Variants in MAP3K3 observed in about 807,000 individuals in gnomAD.
MAP3K3 encodes the protein MAP/ERK kinase kinase 3.
Under a neutral mutation model 80.9 loss-of-function variants are expected in MAP3K3, and 12 were observed. The ratio of observed to expected loss-of-function variants is 0.15; its 90% CI spans 0.10 to 0.24. MAP3K3 has a LOEUF of 0.24. MAP3K3 is among the 10% of genes least tolerant of loss of function. The pLI, the probability that MAP3K3 is intolerant of heterozygous loss-of-function variation, is 1.00. For missense variants in MAP3K3, 596 were observed against 834.7 expected, an observed-to-expected ratio of 0.71 and a Z score of 3.52; for synonymous variants, 272 against 307.1, an observed-to-expected ratio of 0.89 and a Z score of 1.19.
chr17:63,635,632 A>C (rs1323566852), intron 2 of MAP3K3, among the ~76,000 whole-genome samples: 4 of 152,216 alleles, frequency 2.6e-5, no homozygotes, highest in African/African-American at 9.6e-5. Flanking sequence ...GGGGAGAGGT[A>C]TTTATAGCCT....
intron 1 of MAP3K3, among the ~76,000 whole-genome samples, chr17:63,625,262 T>C (rs1180274470): frequency 6.6e-6 from 1 of 152,222 alleles, no homozygotes; most frequent in Non-Finnish European, 1.5e-5. Context: ...GTGGAAATTA[T>C]TTATCTCTGT....
chr17:63,658,193 A>G (rs538104328), intron 5 of MAP3K3, among the ~76,000 whole-genome samples: 1 of 152,214 alleles, frequency 6.6e-6, no homozygotes, highest in Non-Finnish European at 1.5e-5. Flanking sequence ...CTCTAAATTT[A>G]TGTTTTTTCA....
chr17:63,657,906 A>C lies in MAP3K3; in HGVS notation c.380A>C (p.His127Pro), dbSNP rs1447823821. 1 of 1,545,598 alleles carries C rather than the reference A, an allele frequency of 6.5e-7. No homozygotes were observed. The change falls in exon 5 of 16, where the codon CAT becomes CCT. Residue 127 changes from histidine to proline, a missense_variant and splice_region_variant. Transcript: ENST00000361733. Reference sequence around the variant, plus strand: ...TTGCTGTTGTCCCAGGACAGAAACCATGTAAGTAGCCCTTGTCATGGTCTG... The same window carrying C: ...TTGCTGTTGTCCCAGGACAGAAACCCTGTAAGTAGCCCTTGTCATGGTCTG... ...RILLLSQDRN[H>P]NSSSPHSGVS...
intron 6 of MAP3K3, among the ~76,000 whole-genome samples, chr17:63,680,644 A>G (rs1322402768): frequency 6.6e-6 from 1 of 152,204 alleles, no homozygotes; most frequent in East Asian, 1.9e-4. Context: ...TCAGTGACTT[A>G]CAAAGTGTGT....
At chr17:63,685,842 CT>C (rs1214485068) in intron 8 of MAP3K3, among the ~76,000 whole-genome samples, 1 of 152,234 alleles carries the variant, frequency 6.6e-6, no homozygotes, top group Non-Finnish European at 1.5e-5. Context: ...CATGTTTTGA[CT>C]TTCCATATAA....
chr17:63,655,418 C>T (rs1170190985), intron 4 of MAP3K3, among the ~76,000 whole-genome samples: 1 of 152,218 alleles, frequency 6.6e-6, no homozygotes, highest in Non-Finnish European at 1.5e-5. Flanking sequence ...CTCCACCATC[C>T]TTACCAACAT....
rs766758255 is a variant in MAP3K3 at position 63,632,724 on chromosome 17, C to T, written c.48C>T (p.Ala16=). 19 of 1,613,986 alleles carry T rather than the reference C, an allele frequency of 1.2e-5. No individual in the cohort carries two copies. The highest frequency in any genetic ancestry group is 1.6e-5 in the Non-Finnish European group (19 of 1,179,976). The change falls in exon 2 of 16, where the codon GCC becomes GCT. Residue 16 remains alanine (A), a synonymous_variant. Transcript: ENST00000361733. The stretch of plus-strand genomic sequence containing the variant: ...ACTCAATCATGAACGATCTGGTGGC[C>T]CTCCAGATGAACCGACGTCACCGGA... ...ALNSIMNDLV[A]LQMNRRHRMP...
intron 2 of MAP3K3, among the ~76,000 whole-genome samples, chr17:63,640,783 T>C (rs2034424336): frequency 6.6e-6 from 1 of 152,152 alleles, no homozygotes; most frequent in Non-Finnish European, 1.5e-5. Context: ...TGAGGGAGAC[T>C]CCTCTGTCCT....
chr17:63,691,297 C>G lies in MAP3K3; in HGVS notation c.1344+64C>G. On this transcript the variant is annotated intron_variant, in intron 13 of 15. Transcript: ENST00000361733. The surrounding 1 kb of genome is among the most constrained non-coding windows in gnomAD (Gnocchi z 4.8). ...GAGGGCCTGACCTGGGGGCTGGGGC[C>G]TGCAGGAGGGGGGTCACCTTGGATA... 6.2e-7 allele frequency: 1 copy of G among 1,607,062 alleles called. No individual in the cohort carries two copies. The highest frequency in any genetic ancestry group is 2.2e-5 in the East Asian group (1 of 44,720).
At position 63,689,416 on chromosome 17, in the gene MAP3K3, T is replaced by C; in HGVS notation, c.872-128T>C. On this transcript the variant is annotated intron_variant, in intron 10 of 15. Coordinates refer to ENST00000361733, the MANE Select transcript of MAP3K3 (RefSeq NM_002401.5). The surrounding 1 kb of genome is among the most constrained non-coding windows in gnomAD (Gnocchi z 4.3). ...GATGGGCTGGAGCTGGTATTATCTATCACTTCTGGCTGAGACCTGGTTTGT... is the reference window on the plus strand; with the variant it reads ...GATGGGCTGGAGCTGGTATTATCTACCACTTCTGGCTGAGACCTGGTTTGT... 1.4e-6 allele frequency: 1 copy of C among 732,764 alleles called. No individual in the cohort carries two copies. The highest frequency in any genetic ancestry group is 1.8e-5 in the South Asian group (1 of 54,112). The allele number at this position is 732,764 out of a possible 1,614,324, so 45.4% of individuals were successfully genotyped here. A position where few individuals can be genotyped will look rare whatever the true frequency, so the allele number is the denominator to read the frequency against.
In MAP3K3 at chr17:63,664,119, C is replaced by T. The variant is rs542789887; in HGVS notation, c.382-2821C>T. Among the ~76,000 whole-genome samples the T allele has an allele frequency of 5.4e-3, 821 of 150,950 alleles. 4 individuals carry two copies. The highest frequency in any genetic ancestry group is 0.018 in the African/African-American group (743 of 41,222). ...AAAAATAGCCGGGCGTGGTAGCGGG[C>T]GCCTGTAGTCCCAGCTACTTGGGAG... On this transcript the variant is annotated intron_variant, in intron 5 of 15. Transcript: ENST00000361733.
chr17:63,693,920 C>T lies in MAP3K3; in HGVS notation c.*143C>T, dbSNP rs141422179. The T allele has an allele frequency of 1.7e-3, 1,122 of 664,494 alleles. 23 individuals are homozygous for T. The African/African-American group carries it at 0.018, about 11-fold the overall frequency. The allele number at this position is 664,494 out of a possible 1,614,324, so 41.2% of individuals were successfully genotyped here. A position where few individuals can be genotyped will look rare whatever the true frequency, so the allele number is the denominator to read the frequency against. On this transcript the variant is annotated 3_prime_UTR_variant, in exon 16 of 16. Coordinates refer to ENST00000361733, the MANE Select transcript of MAP3K3 (RefSeq NM_002401.5). The surrounding 1 kb of genome is among the most constrained non-coding windows in gnomAD (Gnocchi z 4.2). ...AGCCAGCGTCGGTCTGTGCCCCTTC[C>T]GCCACTGGGGCTCAGAGCCGGGGTG... is the stretch of plus-strand genomic sequence containing the variant.
In MAP3K3 at chr17:63,693,470, G is replaced by A. The variant is rs186531677; in HGVS notation, c.1653-79G>A. Reference sequence around the variant, plus strand: ...CACCTCAGCTTGCTGTGAGAAAGGCGCCTCTTTCTGCAGTGGTGGGCAGGA... The same window carrying A: ...CACCTCAGCTTGCTGTGAGAAAGGCACCTCTTTCTGCAGTGGTGGGCAGGA... On this transcript the variant is annotated intron_variant, in intron 15 of 15. Transcript: ENST00000361733. This position sits in a 1 kb window ranked among gnomAD's most constrained non-coding sequence, Gnocchi z 4.2. 434 of 1,281,398 alleles carry A rather than the reference G, an allele frequency of 3.4e-4. 3 individuals are homozygous for A. In the South Asian group the frequency reaches 4.8e-3, roughly 14 times the overall value. 79.4% of individuals were successfully genotyped at this position (1,281,398 alleles called of 1,614,324 possible).
intron 8 of MAP3K3, among the ~76,000 whole-genome samples, chr17:63,686,531 A>G (rs1181399582): frequency 6.6e-6 from 1 of 152,152 alleles, no homozygotes; most frequent in Admixed American, 6.5e-5. Context: ...CTGGCTTTGG[A>G]TTATCTCCTA....
At chr17:63,658,852 A>G (rs1022705044) in intron 5 of MAP3K3, among the ~76,000 whole-genome samples, 1 of 150,912 alleles carries the variant, frequency 6.6e-6, no homozygotes, top group African/African-American at 2.4e-5. Flanking sequence ...CTCCTGCTTC[A>G]GCCTCTCGAG....
At chr17:63,685,132 T>G (rs2035420358) in intron 7 of MAP3K3, among the ~76,000 whole-genome samples, 1 of 152,136 alleles carries the variant, frequency 6.6e-6, no homozygotes, top group South Asian at 2.1e-4. Context: ...CTTTGTAAAT[T>G]ATAAATTATG....
At chr17:63,660,977 C>G (rs1259231970) in intron 5 of MAP3K3, among the ~76,000 whole-genome samples, 1 of 152,240 alleles carries the variant, frequency 6.6e-6, no homozygotes, top group African/African-American at 2.4e-5. Context: ...TCTTACCTCT[C>G]CCACCTCACT....
At chr17:63,654,361 T>C (rs527700167) in intron 4 of MAP3K3, among the ~76,000 whole-genome samples, 21 of 135,404 alleles carry the variant, frequency 1.6e-4, no homozygotes, top group Admixed American at 1.3e-3. Context: ...AAGCGTATGT[T>C]TTCAACGGTC....
At chr17:63,679,802 A>G (rs2035293835) in intron 6 of MAP3K3, among the ~76,000 whole-genome samples, 1 of 152,230 alleles carries the variant, frequency 6.6e-6, no homozygotes, top group Non-Finnish European at 1.5e-5. Context: ...TAGGAAATAT[A>G]TATACATATA....
Sources: gnomAD v4.1 joint callset for allele counts (sites outside exome capture counted in the v4.1 genomes callset) on GRCh38, gnomAD v4.1.1 for gene constraint, Gnocchi (gnomAD v3.1) non-coding constraint, MANE v1.5 for transcripts, NCBI Gene and HGNC (gene_info 2026-07-23, HGNC 2026-07-21) for gene names.